Variants in CLVS1 observed in about 807,000 individuals in gnomAD.
The protein encoded by CLVS1 is clavesin-1.
Under a neutral mutation model 33.1 loss-of-function variants are expected in CLVS1, and 10 were observed. That is an observed-to-expected ratio of 0.30 (90% CI 0.19 to 0.51). CLVS1 has a LOEUF of 0.51. Ranked by LOEUF, CLVS1 falls within the 20% of genes least tolerant of loss-of-function variation. The probability of loss-of-function intolerance (pLI) is 0.97; values close to 1 mark genes in which losing one functional copy is unlikely to be tolerated. For synonymous variants in CLVS1, 163 were observed against 166.1 expected, an observed-to-expected ratio of 0.98 and a Z score of 0.14; for missense variants, 343 against 433.4, an observed-to-expected ratio of 0.79 and a Z score of 1.85.
chr8:61,147,734 G>A (rs572580838), intron 2 of CLVS1, among the ~76,000 whole-genome samples: 1 of 152,286 alleles, frequency 6.6e-6, no homozygotes, highest in South Asian at 2.1e-4. Flanking sequence ...TGATAGCATT[G>A]ACTACCATAA....
chr8:61,432,737 T>G (rs889386807), intron 3 of CLVS1, among the ~76,000 whole-genome samples: 2 of 152,194 alleles, frequency 1.3e-5, no homozygotes, highest in Non-Finnish European at 2.9e-5. Context: ...CTTGACTCAG[T>G]AGTTTGAGAC....
intron 1 of CLVS1, among the ~76,000 whole-genome samples, chr8:61,059,158 C>T (rs1804532364): frequency 6.6e-6 from 1 of 152,038 alleles, no homozygotes; most frequent in Non-Finnish European, 1.5e-5. Context: ...TTTATTCATA[C>T]ATTAGCAACA....
intron 1 of CLVS1, among the ~76,000 whole-genome samples, chr8:61,119,993 A>G (rs1434919544): frequency 1.4e-5 from 2 of 145,376 alleles, no homozygotes; most frequent in African/African-American, 2.6e-5. Context: ...CATTCTCCCC[A>G]TCACTTTCAG....
chr8:61,001,827 T>A, the CLVS1 span, among the ~76,000 whole-genome samples: 1 of 152,242 alleles, frequency 6.6e-6, no homozygotes, highest in African/African-American at 2.4e-5. Context: ...ACATTCTTCC[T>A]TTACACCATC....
chr8:61,348,849 A>G (rs1812335970), intron 2 of CLVS1, among the ~76,000 whole-genome samples: 1 of 152,162 alleles, frequency 6.6e-6, no homozygotes, highest in African/African-American at 2.4e-5. Flanking sequence ...ACAGTATACA[A>G]GTGTTCCCTT....
Position 61,425,622 on chromosome 8 carries a change from CT to C in CLVS1, c.631-28518del, listed in dbSNP as rs112597711. ...CAGTCACCCCCAGTACTCCCCTCCCCTAGCCCCATTTAGCTATATCCCAATT... is the reference window on the plus strand; with the variant it reads ...CAGTCACCCCCAGTACTCCCCTCCCCAGCCCCATTTAGCTATATCCCAATT... On this transcript the variant is annotated intron_variant, in intron 3 of 5. Transcript: ENST00000325897. Among the ~76,000 whole-genome samples the C allele has an allele frequency of 3.5e-3, 529 of 152,318 alleles. 2 individuals carry two copies. Among genetic ancestry groups the C allele is most frequent in the African/African-American group, 0.012 (488 of 41,574 alleles).
intron 2 of CLVS1, among the ~76,000 whole-genome samples, chr8:61,278,279 A>G (rs1306129949): frequency 1.3e-5 from 2 of 152,170 alleles, no homozygotes; most frequent in African/African-American, 4.8e-5. Flanking sequence ...TTTTACATCT[A>G]CTAAATAAAG....
chr8:61,311,578 C>T (rs1295644146), intron 2 of CLVS1, among the ~76,000 whole-genome samples: 1 of 152,194 alleles, frequency 6.6e-6, no homozygotes, highest in African/African-American at 2.4e-5. Flanking sequence ...TCAGCCATTA[C>T]AGGGCTCCGA....
chr8:61,116,684 T>C lies in CLVS1; in HGVS notation c.-242-15086T>C, dbSNP rs535466099. Among the ~76,000 whole-genome samples the C allele has an allele frequency of 7.3e-3, 1,087 of 149,452 alleles. 5 individuals carry two copies. The highest frequency in any genetic ancestry group is 0.013 in the Non-Finnish European group (883 of 67,504). ...TTGTCAAAGATCAGATAGTTGTAGATATGCGGCGTTATTTCTGAGGGCTCT... is the reference window on the plus strand; with the variant it reads ...TTGTCAAAGATCAGATAGTTGTAGACATGCGGCGTTATTTCTGAGGGCTCT... On this transcript the variant is annotated intron_variant, in intron 1 of 2. Transcript: ENST00000522621.
upstream of CLVS1, among the ~76,000 whole-genome samples, chr8:61,053,327 G>A (rs758402393): frequency 2.6e-5 from 4 of 152,194 alleles, no homozygotes; most frequent in Non-Finnish European, 4.4e-5. Context: ...TGAGCACTGG[G>A]GCCTCCAGCA....
chr8:61,274,460 C>G (rs1302462684), intron 2 of CLVS1, among the ~76,000 whole-genome samples: 1 of 152,154 alleles, frequency 6.6e-6, no homozygotes, highest in African/African-American at 2.4e-5. Flanking sequence ...CAAGGATGTA[C>G]TTAATTCTTT....
intron 5 of CLVS1, among the ~76,000 whole-genome samples, chr8:61,473,340 TTA>T (rs1491192302): frequency 5.6e-5 from 4 of 70,930 alleles, no homozygotes; most frequent in Non-Finnish European, 9.4e-5. Context: ...TTCACGGAAT[TTA>T]AAAAAAAAAA....
intron 2 of CLVS1, among the ~76,000 whole-genome samples, chr8:61,159,064 G>A (rs1806703317): frequency 6.6e-6 from 1 of 152,128 alleles, no homozygotes; most frequent in Non-Finnish European, 1.5e-5. Context: ...TAGAGATGGG[G>A]GTGTCACTTT....
intron 2 of CLVS1, among the ~76,000 whole-genome samples, chr8:61,359,120 G>A (rs1224217809): frequency 1.3e-5 from 2 of 151,992 alleles, no homozygotes; most frequent in Non-Finnish European, 2.9e-5. Context: ...TGCTGATTAC[G>A]GTTTATTATG....
Position 61,244,184 on chromosome 8 carries a change from A to ATT in CLVS1, c.-151-55484_-151-55483dup, listed in dbSNP as rs34240475. 9.3e-4 allele frequency among the ~76,000 whole-genome samples: 139 copies of ATT among 149,764 alleles called. 1 individual carries two copies. The highest frequency in any genetic ancestry group is 2.1e-3 in the Admixed American group (32 of 15,034). ...GGGGCAGTGCAGTATAGGGCATTGCATTTTTTTTTTAATCCTTTAGTTCAA... is the reference window on the plus strand; with the variant it reads ...GGGGCAGTGCAGTATAGGGCATTGCATTTTTTTTTTTTAATCCTTTAGTTCAA... On this transcript the variant is annotated intron_variant, in intron 2 of 2. Transcript: ENST00000522621.
chr8:61,398,182 T>C (rs945239231), intron 3 of CLVS1, among the ~76,000 whole-genome samples: 1 of 107,458 alleles, frequency 9.3e-6, no homozygotes, highest in Admixed American at 8.4e-5. Flanking sequence ...TAAGCTTTAC[T>C]TTTTTTTTTT....
intron 2 of CLVS1, among the ~76,000 whole-genome samples, chr8:61,252,393 G>C (rs1414097762): frequency 6.6e-6 from 1 of 152,124 alleles, no homozygotes; most frequent in African/African-American, 2.4e-5. Context: ...TGTATATTCT[G>C]TTGATTTGGG....
At chr8:61,028,380 A>T in the CLVS1 span, among the ~76,000 whole-genome samples, 1 of 152,248 alleles carries the variant, frequency 6.6e-6, no homozygotes, top group African/African-American at 2.4e-5. Context: ...GGTAATTCTT[A>T]TGAAAGTACT....
intron 2 of CLVS1, among the ~76,000 whole-genome samples, chr8:61,244,573 T>C (rs1808769176): frequency 6.6e-6 from 1 of 152,190 alleles, no homozygotes; most frequent in African/African-American, 2.4e-5. Context: ...GAGAGATTTG[T>C]TAAAATGTCC....
Sources: gnomAD v4.1 joint callset for allele counts (sites outside exome capture counted in the v4.1 genomes callset) on GRCh38, gnomAD v4.1.1 for gene constraint, MANE v1.5 for transcripts, NCBI Gene and HGNC (gene_info 2026-07-23, HGNC 2026-07-21) for gene names.